The following DTNBP1 variants were observed in gnomAD, a reference collection of about 807,000 sequenced individuals.
The protein encoded by DTNBP1 is dysbindin.
DTNBP1 carries 35 observed loss-of-function variants against 42.8 expected under a neutral mutation model. That is an observed-to-expected ratio of 0.82 (90% CI 0.63 to 1.09). The LOEUF is 1.09. Ranked by LOEUF, DTNBP1 falls within the 50% of genes least tolerant of loss-of-function variation. The pLI, the probability that DTNBP1 is intolerant of heterozygous loss-of-function variation, is 0.00. For synonymous variants in DTNBP1, 171 were observed against 162.2 expected (o/e 1.05, Z -0.41); for missense variants, 457 against 424.2 (o/e 1.08, Z -0.68).
intron 6 of DTNBP1, among the ~76,000 whole-genome samples, chr6:15,612,679 A>G (rs1310728920): frequency 1.3e-5 from 2 of 152,144 alleles, no homozygotes; most frequent in Non-Finnish European, 2.9e-5. Flanking sequence ...CCTATAATGT[A>G]CTGTACTATT....
At chr6:15,573,559 A>T (rs1775428452) in intron 7 of DTNBP1, among the ~76,000 whole-genome samples, 1 of 152,128 alleles carries the variant, frequency 6.6e-6, no homozygotes, top group Non-Finnish European at 1.5e-5. Flanking sequence ...TCACATCTAT[A>T]ATCCCAGCAC....
chr6:15,585,840 C>T (rs1444678867), intron 7 of DTNBP1: 29 of 1,489,256 alleles, frequency 1.9e-5, no homozygotes, highest in South Asian at 9.2e-5. Context: ...GCTGCCCTCA[C>T]GTGCATCTTC....
At chr6:15,639,751 C>A (rs1333889643) in intron 3 of DTNBP1, among the ~76,000 whole-genome samples, 2 of 152,172 alleles carry the variant, frequency 1.3e-5, no homozygotes, top group East Asian at 1.9e-4. Context: ...GTAGTTAGCA[C>A]AGAACCTAAC....
chr6:15,631,894 T>C (rs1320543086), intron 4 of DTNBP1, among the ~76,000 whole-genome samples: 1 of 152,246 alleles, frequency 6.6e-6, no homozygotes, highest in African/African-American at 2.4e-5. Flanking sequence ...TAGTTGTTTA[T>C]CATCACATTT....
intron 7 of DTNBP1, among the ~76,000 whole-genome samples, chr6:15,568,387 C>G (rs1382946483): frequency 6.6e-6 from 1 of 152,178 alleles, no homozygotes; most frequent in African/African-American, 2.4e-5. Context: ...TCTGAAGGCT[C>G]CCATGTCATG....
intron 7 of DTNBP1, among the ~76,000 whole-genome samples, chr6:15,558,070 C>T (rs1452461995): frequency 1.3e-5 from 2 of 151,448 alleles, no homozygotes; most frequent in African/African-American, 4.8e-5. Context: ...ACTGGAAACA[C>T]CTATAATTTT....
intron 7 of DTNBP1, among the ~76,000 whole-genome samples, chr6:15,574,781 T>G (rs1329225607): frequency 6.6e-6 from 1 of 152,188 alleles, no homozygotes; most frequent in Non-Finnish European, 1.5e-5. Flanking sequence ...GCAAACCTAC[T>G]TATTAGCTGG....
At position 15,576,276 on chromosome 6, in the gene DTNBP1, G is replaced by A. The variant is rs953402676; in HGVS notation, c.511+16783C>T. ...CGGGATTACAGGCACGTACCACCAC[G>A]CCCGGCTAATTTTTGTATTTTTTAT... On this transcript the variant is annotated intron_variant, in intron 7 of 9. Transcript: ENST00000344537. Among the ~76,000 whole-genome samples, 9 of 151,822 alleles carry A rather than the reference G, an allele frequency of 5.9e-5. No homozygotes were observed. The East Asian group carries it at 7.8e-4, about 13-fold the overall frequency.
Position 15,656,794 on chromosome 6 carries a change from T to C in DTNBP1, c.57-4654A>G, listed in dbSNP as rs369791638. 2.0e-4 allele frequency among the ~76,000 whole-genome samples: 30 copies of C among 152,204 alleles called. No individual in the cohort carries two copies. In the East Asian group the frequency reaches 2.3e-3, roughly 12 times the overall value. On this transcript the variant is annotated intron_variant, in intron 1 of 9. Transcript: ENST00000344537. ...AGATGTAGATAAACAGAATGATGCA[T>C]TGAGTACTACAATGACTGCTGAGAT...
At chr6:15,575,197 A>G (rs1220711453) in intron 7 of DTNBP1, among the ~76,000 whole-genome samples, 3 of 152,244 alleles carry the variant, frequency 2.0e-5, no homozygotes, top group African/African-American at 4.8e-5. Flanking sequence ...AAAAAGGTAT[A>G]CAGTAATATA....
At chr6:15,592,564 T>C (rs1423344970) in intron 7 of DTNBP1, among the ~76,000 whole-genome samples, 2 of 152,168 alleles carry the variant, frequency 1.3e-5, no homozygotes, top group Admixed American at 6.5e-5. Context: ...TCAGAATATA[T>C]TTCATCTGAG....
At chr6:15,582,324 C>T (rs1257321038) in intron 7 of DTNBP1, among the ~76,000 whole-genome samples, 3 of 152,156 alleles carry the variant, frequency 2.0e-5, no homozygotes, top group Non-Finnish European at 4.4e-5. Flanking sequence ...TGCTGAAATG[C>T]TTACTAGCTG....
At chr6:15,541,640 T>C (rs557064571) in intron 7 of DTNBP1, among the ~76,000 whole-genome samples, 9 of 152,312 alleles carry the variant, frequency 5.9e-5, no homozygotes, top group South Asian at 2.1e-4. Context: ...CTCCAGATCA[T>C]TGCTCAAGTT....
At chr6:15,598,379 G>A (rs1196131952) in intron 6 of DTNBP1, among the ~76,000 whole-genome samples, 2 of 152,092 alleles carry the variant, frequency 1.3e-5, no homozygotes, top group Non-Finnish European at 2.9e-5. Context: ...CATGATAAAA[G>A]GCTAACACAA....
chr6:15,585,630 C>G, intron 7 of DTNBP1: 3 of 1,406,760 alleles, frequency 2.1e-6, no homozygotes, highest in Non-Finnish European at 2.9e-6. Context: ...ATCTGCATAC[C>G]ATGCAAATAC....
intron 4 of DTNBP1, among the ~76,000 whole-genome samples, chr6:15,636,607 T>C (rs1011626518): frequency 3.3e-5 from 5 of 152,206 alleles, no homozygotes; most frequent in Non-Finnish European, 7.3e-5. Flanking sequence ...TTGACTCCTT[T>C]AGCCAACAGG....
chr6:15,634,769 C>A (rs998139433), intron 4 of DTNBP1, among the ~76,000 whole-genome samples: 1 of 152,204 alleles, frequency 6.6e-6, no homozygotes, highest in Non-Finnish European at 1.5e-5. Flanking sequence ...TTCCATCTTA[C>A]ATGCTTTGTT....
At chr6:15,618,569 A>G (rs1664565467) in intron 5 of DTNBP1, among the ~76,000 whole-genome samples, 1 of 152,180 alleles carries the variant, frequency 6.6e-6, no homozygotes, top group Admixed American at 6.5e-5. Context: ...GAAAAGACCA[A>G]AAATAACAAA....
intron 5 of DTNBP1, among the ~76,000 whole-genome samples, chr6:15,625,633 T>C (rs1759296199): frequency 6.6e-6 from 1 of 152,180 alleles, no homozygotes; most frequent in Non-Finnish European, 1.5e-5. Context: ...CTAAACAGAA[T>C]TGACTATGAA....
Sources: gnomAD v4.1 joint callset for allele counts (sites outside exome capture counted in the v4.1 genomes callset) on GRCh38, gnomAD v4.1.1 for gene constraint, MANE v1.5 for transcripts, NCBI Gene and HGNC (gene_info 2026-07-23, HGNC 2026-07-21) for gene names.